The following PRMT8 variants were observed in gnomAD, a reference collection of about 807,000 sequenced individuals.
PRMT8 encodes the protein protein arginine N-methyltransferase 8.
A neutral mutation model predicts 47.1 loss-of-function variants in PRMT8; 7 were observed. The observed-to-expected ratio is 0.15, with a 90% CI of 0.08 to 0.28. The LOEUF is 0.28. Ranked by LOEUF, PRMT8 falls within the 10% of genes least tolerant of loss-of-function variation. The probability of loss-of-function intolerance (pLI) is 1.00; values close to 1 mark genes in which losing one functional copy is unlikely to be tolerated. For synonymous variants in PRMT8, 188 were observed against 186.5 expected (o/e 1.01, Z -0.07); for missense variants, 237 against 505.4 (o/e 0.47, Z 5.09).
chr12:3,565,397 C>T (rs1006150460), intron 4 of PRMT8, among the ~76,000 whole-genome samples: 11 of 152,148 alleles, frequency 7.2e-5, no homozygotes, highest in African/African-American at 1.7e-4. Flanking sequence ...ACAAAAGCAC[C>T]GGAGAAAGGG....
intron 1 of PRMT8, among the ~76,000 whole-genome samples, chr12:3,386,049 T>C (rs1206917662): frequency 6.6e-6 from 1 of 152,250 alleles, no homozygotes; most frequent in Non-Finnish European, 1.5e-5. Flanking sequence ...CAAGAGCTAG[T>C]TTTTAGTTTC....
At chr12:3,431,221 T>A (rs1864672180) in intron 1 of PRMT8, among the ~76,000 whole-genome samples, 1 of 152,102 alleles carries the variant, frequency 6.6e-6, no homozygotes, top group Non-Finnish European at 1.5e-5. Context: ...GAGGCAAGAC[T>A]GAGACCAGTG....
intron 4 of PRMT8, among the ~76,000 whole-genome samples, chr12:3,559,153 A>T (rs566710192): frequency 9.9e-4 from 150 of 152,240 alleles, no homozygotes; most frequent in African/African-American, 3.4e-3. Context: ...AGCTGTTATC[A>T]CTACTTGCTT....
chr12:3,487,988 G>C (rs906772926), upstream of PRMT8, among the ~76,000 whole-genome samples: 1 of 152,160 alleles, frequency 6.6e-6, no homozygotes, highest in Non-Finnish European at 1.5e-5. Context: ...TGATTCCACT[G>C]TATAGCCAAG....
At chr12:3,585,808 C>A (rs1867160729) in intron 8 of PRMT8, among the ~76,000 whole-genome samples, 2 of 151,940 alleles carry the variant, frequency 1.3e-5, no homozygotes, top group East Asian at 1.9e-4. Context: ...CAGGAGCAGC[C>A]AGGAGGGGGA....
At chr12:3,588,397 C>T (rs1055756553) in intron 8 of PRMT8, among the ~76,000 whole-genome samples, 1 of 152,220 alleles carries the variant, frequency 6.6e-6, no homozygotes, top group Non-Finnish European at 1.5e-5. Context: ...ATTCCATTCC[C>T]TTTCCAAAAG....
chr12:3,579,019 C>A (rs553691290), intron 7 of PRMT8, among the ~76,000 whole-genome samples: 1 of 152,248 alleles, frequency 6.6e-6, no homozygotes, highest in Non-Finnish European at 1.5e-5. Flanking sequence ...GCAAATGTGT[C>A]CTTTTGTTTC....
In PRMT8 at chr12:3,453,825, G is replaced by T. The variant is rs1441441384; in HGVS notation, c.48+72383G>T. On this transcript the variant is annotated intron_variant, in intron 1 of 9. Coordinates refer to the PRMT8 transcript ENST00000452611. The surrounding 1 kb of genome is among the most constrained non-coding windows in gnomAD (Gnocchi z 4.9). ...CTATTTCTCAGCTCCTGCTATGCTA[G>T]GTCTGGGCTTCCGACGCCGGCCCTG... is the stretch of plus-strand genomic sequence containing the variant. 1.3e-5 allele frequency among the ~76,000 whole-genome samples: 2 copies of T among 152,138 alleles called. No individual in the cohort carries two copies. Among genetic ancestry groups the T allele is most frequent in the Non-Finnish European group, 2.9e-5 (2 of 68,028 alleles).
intron 1 of PRMT8, among the ~76,000 whole-genome samples, chr12:3,429,280 A>G (rs1017222776): frequency 6.6e-6 from 1 of 152,078 alleles, no homozygotes; most frequent in African/African-American, 2.4e-5. Context: ...CTGATGGCCA[A>G]CCCACCTCTA....
At chr12:3,582,492 A>G (rs1242561050) in intron 7 of PRMT8, among the ~76,000 whole-genome samples, 1 of 152,176 alleles carries the variant, frequency 6.6e-6, no homozygotes, top group Non-Finnish European at 1.5e-5. Context: ...GTCATCCTTG[A>G]TGCCTCCTAT....
intron 2 of PRMT8, among the ~76,000 whole-genome samples, chr12:3,541,266 A>G (rs1297367463): frequency 6.6e-6 from 1 of 152,212 alleles, no homozygotes; most frequent in Non-Finnish European, 1.5e-5. Context: ...AGCTTGGCCC[A>G]GGTCTGACAC....
intron 1 of PRMT8, among the ~76,000 whole-genome samples, chr12:3,537,530 C>G (rs1866139825): frequency 6.6e-6 from 1 of 152,124 alleles, no homozygotes; most frequent in South Asian, 2.1e-4. Context: ...TGTCTTCTTG[C>G]TAGACATCTT....
chr12:3,530,720 C>T (rs1321884869), intron 1 of PRMT8, among the ~76,000 whole-genome samples: 2 of 152,206 alleles, frequency 1.3e-5, no homozygotes, highest in Non-Finnish European at 2.9e-5. Context: ...TACGGGCAGC[C>T]AAAGCCACTG....
intron 1 of PRMT8, among the ~76,000 whole-genome samples, chr12:3,507,353 C>A (rs1390296931): frequency 6.6e-6 from 1 of 152,116 alleles, no homozygotes; most frequent in Non-Finnish European, 1.5e-5. Flanking sequence ...GATCTCCTGA[C>A]CTCGTGATCC....
intron 1 of PRMT8, among the ~76,000 whole-genome samples, chr12:3,516,223 G>T (rs1276356417): frequency 6.6e-6 from 1 of 152,238 alleles, no homozygotes; most frequent in Non-Finnish European, 1.5e-5. Context: ...GCATGTGGCA[G>T]ACTGGGTCTC....
chr12:3,511,903 A>C (rs1312382973), intron 1 of PRMT8, among the ~76,000 whole-genome samples: 1 of 152,194 alleles, frequency 6.6e-6, no homozygotes. Flanking sequence ...TTATTTCTAA[A>C]GTGCTGGGGC....
chr12:3,413,252 A>C (rs1470048285), intron 1 of PRMT8, among the ~76,000 whole-genome samples: 1 of 152,126 alleles, frequency 6.6e-6, no homozygotes, highest in African/African-American at 2.4e-5. Flanking sequence ...TGGTTTTATA[A>C]ATGGGAGTTC....
intron 1 of PRMT8, among the ~76,000 whole-genome samples, chr12:3,527,875 C>A (rs1215529798): frequency 6.6e-6 from 1 of 152,080 alleles, no homozygotes; most frequent in Admixed American, 6.5e-5. Flanking sequence ...AAAGACTTTA[C>A]TTTACCGTCA....
chr12:3,490,234 T>A (rs1865365819), upstream of PRMT8, among the ~76,000 whole-genome samples: 1 of 152,162 alleles, frequency 6.6e-6, no homozygotes, highest in Non-Finnish European at 1.5e-5. Flanking sequence ...GGAGTCAGCC[T>A]GAGTGTCCTG....
Sources: allele counts gnomAD v4.1 joint callset (sites outside exome capture counted in the v4.1 genomes callset), GRCh38; gene constraint gnomAD v4.1.1; non-coding constraint Gnocchi (gnomAD v3.1); transcripts MANE v1.5; gene names NCBI Gene and HGNC (gene_info 2026-07-23, HGNC 2026-07-21).